Variants in CC2D2B observed in about 807,000 individuals in gnomAD.
CC2D2B encodes the protein protein CC2D2B.
CC2D2B carries 128 observed loss-of-function variants against 161.2 expected under a neutral mutation model. That is an observed-to-expected ratio of 0.79 (90% confidence interval 0.69 to 0.92). The LOEUF is 0.92. Ranked by LOEUF, CC2D2B falls within the 40% of genes least tolerant of loss-of-function variation. The pLI, the probability that CC2D2B is intolerant of heterozygous loss-of-function variation, is 0.00. For missense variants in CC2D2B, 1,173 were observed against 1,375.1 expected (o/e 0.85, Z 2.32); for synonymous variants, 391 against 449.8 (o/e 0.87, Z 1.65).
chr10:95,975,448 T>TA (rs1005421727), intron 17 of CC2D2B, among the ~76,000 whole-genome samples: 11 of 151,984 alleles, frequency 7.2e-5, no homozygotes, highest in African/African-American at 2.4e-4. Context: ...AGTTTGACAA[T>TA]AAAAAAATGC....
chr10:95,916,355 T>C (rs969836819), intron 2 of CC2D2B, among the ~76,000 whole-genome samples: 1 of 152,110 alleles, frequency 6.6e-6, no homozygotes, highest in African/African-American at 2.4e-5. Context: ...AAAACAACTT[T>C]TTGTTTCATT....
intron 24 of CC2D2B, among the ~76,000 whole-genome samples, chr10:96,002,558 T>C (rs11188551): frequency 0.13 from 20,237 of 152,168 alleles, 2,160 homozygotes; most frequent in East Asian, 0.57. Context: ...TGACAGTTGT[T>C]CTTTCTCCTG....
intron 29 of CC2D2B, among the ~76,000 whole-genome samples, chr10:96,015,764 C>G (rs2079171985): frequency 6.6e-6 from 1 of 152,144 alleles, no homozygotes; most frequent in South Asian, 2.1e-4. Flanking sequence ...TTTGAGTTGA[C>G]AGTACTATAT....
Position 96,019,125 on chromosome 10 carries a change from T to A in CC2D2B, c.3631-78T>A. The A allele has an allele frequency of 4.0e-6, 5 of 1,255,722 alleles. No homozygotes were observed. In the South Asian group the frequency reaches 7.7e-5, roughly 19 times the overall value. 77.8% of individuals were successfully genotyped at this position (1,255,722 alleles called of 1,614,324 possible). ...CTCCACTAAAAAAGGCTTTAAAAAT[T>A]AGAATCATCACAGTATAATTTCCAT... On this transcript the variant is annotated intron_variant, in intron 30 of 34. Coordinates refer to ENST00000646931, the MANE Select transcript of CC2D2B (RefSeq NM_001349008.3).
intron 16 of CC2D2B, among the ~76,000 whole-genome samples, chr10:95,973,702 A>C (rs1564631251): frequency 6.6e-6 from 1 of 152,024 alleles, no homozygotes; most frequent in Admixed American, 6.6e-5. Flanking sequence ...CTACTAAAAA[A>C]TACAAAAAAT....
At chr10:96,010,094 C>G (rs987679792) in intron 26 of CC2D2B, among the ~76,000 whole-genome samples, 171 bp downstream of exon 26, 8 of 152,162 alleles carry the variant, frequency 5.3e-5, no homozygotes, top group African/African-American at 1.9e-4. Flanking sequence ...TGAACTGTCT[C>G]TGGAGAGTTC....
At position 95,965,916 on chromosome 10, in the gene CC2D2B, A is replaced by T; in HGVS notation, c.1271A>T (p.Asp424Val). 2 of 1,194,148 alleles carry T rather than the reference A, an allele frequency of 1.7e-6. No homozygotes were observed. The highest frequency in any genetic ancestry group is 2.1e-6 in the Non-Finnish European group (2 of 953,706). The allele number at this position is 1,194,148 out of a possible 1,614,324, so 74.0% of individuals were successfully genotyped here. A position where few individuals can be genotyped will look rare whatever the true frequency, so the allele number is the denominator to read the frequency against. ...QVQRIKMNKC[D>V]EQEQISEMSE... is the part of the protein sequence containing the mutation. Reference sequence around the variant, plus strand: ...ATTAGGATTAAAATGAATAAATGTGATGAACAAGAGCAAATCTCAGAAATG... The same window carrying T: ...ATTAGGATTAAAATGAATAAATGTGTTGAACAAGAGCAAATCTCAGAAATG... Residue 424 changes from aspartate to valine, a missense_variant, in exon 13 of 35, where the codon GAT becomes GTT. By Grantham distance (152) the Asp-to-Val change is radical (BLOSUM62 -3). This residue lies in a region of CC2D2B where 277 missense variants were observed against 420.6 expected (regional missense o/e 0.66). Coordinates refer to ENST00000646931, the MANE Select transcript of CC2D2B (RefSeq NM_001349008.3).
intron 3 of CC2D2B, among the ~76,000 whole-genome samples, chr10:95,922,770 G>A (rs1590349423): frequency 6.6e-6 from 1 of 151,978 alleles, no homozygotes; most frequent in South Asian, 2.1e-4. Flanking sequence ...ATAACACATG[G>A]CTTGGAGTAC....
intron 24 of CC2D2B, among the ~76,000 whole-genome samples, chr10:96,001,181 A>G (rs1193740385): frequency 6.6e-6 from 1 of 152,162 alleles, no homozygotes; most frequent in Non-Finnish European, 1.5e-5. Flanking sequence ...CACTTCCTTT[A>G]GTATTGCTAT....
At chr10:95,923,769 C>G (rs2098532718) in intron 3 of CC2D2B, among the ~76,000 whole-genome samples, 2 of 152,136 alleles carry the variant, frequency 1.3e-5, no homozygotes, top group African/African-American at 4.8e-5. Flanking sequence ...AATCCCAGGA[C>G]TTTGGGAGGC....
chr10:96,006,670 G>T (rs1404730191), intron 25 of CC2D2B, among the ~76,000 whole-genome samples: 2 of 152,068 alleles, frequency 1.3e-5, no homozygotes, highest in African/African-American at 4.8e-5. Context: ...TATCTTCCAG[G>T]ACAAAGATGA....
intron 16 of CC2D2B, among the ~76,000 whole-genome samples, chr10:95,973,186 G>C (rs1272485677): frequency 6.6e-6 from 1 of 152,076 alleles, no homozygotes; most frequent in Non-Finnish European, 1.5e-5. Flanking sequence ...GAAGAACGGA[G>C]TTTGCTTCAA....
chr10:95,940,690 CATT>C (rs1181754485), intron 9 of CC2D2B, among the ~76,000 whole-genome samples: 1 of 152,048 alleles, frequency 6.6e-6, no homozygotes, highest in Non-Finnish European at 1.5e-5. Flanking sequence ...TCATCTTTGA[CATT>C]AGTCAGCTGA....
At chr10:95,973,975 C>A in intron 16 of CC2D2B, 34 bp from the exon 17 acceptor site, 1 of 1,191,874 alleles carries the variant, frequency 8.4e-7, no homozygotes, top group Non-Finnish European at 1.0e-6. Flanking sequence ...GCACTTAAAA[C>A]AATTCATATG....
At chr10:95,928,260 A>T (rs1043299097) in intron 6 of CC2D2B, among the ~76,000 whole-genome samples, 1 of 152,116 alleles carries the variant, frequency 6.6e-6, no homozygotes, top group Non-Finnish European at 1.5e-5. Context: ...AAAATTTTGA[A>T]CAAGTAAAAC....
chr10:95,968,866 C>T lies in CC2D2B; in HGVS notation c.1609C>T (p.Gln537Ter). The T allele has an allele frequency of 8.1e-7, 1 of 1,229,472 alleles. No homozygotes were observed. Among genetic ancestry groups the T allele is most frequent in the Middle Eastern group, 3.1e-4 (1 of 3,194 alleles). 76.2% of individuals were successfully genotyped at this position (1,229,472 alleles called of 1,614,324 possible). A position where few individuals can be genotyped will look rare whatever the true frequency, so the allele number is the denominator to read the frequency against. Reference protein sequence around the residue: ...KVMFQQIFNIQLMYWPEVICL... With the variant: ...KVMFQQIFNI ...CATGTTTCAGCAAATTTTCAATATTCAGTTAATGTATTGGCCTGAAGTGAT... is the reference window on the plus strand; with the variant it reads ...CATGTTTCAGCAAATTTTCAATATTTAGTTAATGTATTGGCCTGAAGTGAT... Residue 537 changes from glutamine (Q) to a stop codon, truncating the protein, a stop_gained, in exon 15 of 35, where the codon CAG (glutamine) becomes TAG (stop). Coordinates refer to ENST00000646931, the MANE Select transcript of CC2D2B (RefSeq NM_001349008.3). LOFTEE classifies it high-confidence loss of function.
At chr10:95,942,812 T>A (rs1456648003) in intron 9 of CC2D2B, among the ~76,000 whole-genome samples, 3 of 152,146 alleles carry the variant, frequency 2.0e-5, no homozygotes, top group African/African-American at 7.2e-5. Flanking sequence ...TTTTTTCTTA[T>A]AGAAACTTTG....
intron 30 of CC2D2B, among the ~76,000 whole-genome samples, chr10:96,017,713 T>C (rs2079267363): frequency 6.6e-6 from 1 of 152,032 alleles, no homozygotes; most frequent in African/African-American, 2.4e-5. Context: ...GGAGGATTGC[T>C]TGAGCTCAGG....
At position 96,019,767 on chromosome 10, in the gene CC2D2B, T is replaced by C. The variant is rs1278155477; in HGVS notation, c.3831T>C (p.Ser1277=). The stretch of plus-strand genomic sequence containing the variant: ...TATTTTTTGACTATTCAAAGGAAAG[T>C]TTCTGGAAGCAGTTGCTTCCAAAAA... The part of the protein sequence containing the change: ...MAVFFDYSKE[S]FWKQLLPKNV... The change falls in exon 32 of 35, where the codon AGT becomes AGC. Residue 1277 remains serine (S), a synonymous_variant. Transcript: ENST00000646931. 1 of 1,604,206 alleles carries C rather than the reference T, an allele frequency of 6.2e-7. No homozygotes were observed. The highest frequency in any genetic ancestry group is 8.5e-7 in the Non-Finnish European group (1 of 1,177,276).
Sources: gnomAD v4.1 joint callset for allele counts (sites outside exome capture counted in the v4.1 genomes callset) on GRCh38, gnomAD v4.1.1 for gene constraint, gnomAD v4.1.1 regional missense constraint, MANE v1.5 for transcripts, NCBI Gene and HGNC (gene_info 2026-07-23, HGNC 2026-07-21) for gene names.